Variants in CUX1 observed in about 807,000 individuals in gnomAD.
CUX1 encodes protein CASP.
In CUX1, 31 loss-of-function variants were observed where a neutral mutation model predicts 158.8. The observed-to-expected ratio is 0.20, with a 90% CI of 0.15 to 0.26. CUX1 has a LOEUF of 0.26. Among genes scored for constraint, CUX1 ranks in the 10% least tolerant of loss-of-function variants. The pLI is 1.00. For synonymous variants in CUX1, 879 were observed against 862.1 expected (o/e 1.02, Z -0.34); for missense variants, 1,589 against 2,014.6 (o/e 0.79, Z 4.04).
At chr7:102,279,167 C>T (rs1035125675) in intron 18 of CUX1, among the ~76,000 whole-genome samples, 12 of 152,102 alleles carry the variant, frequency 7.9e-5, no homozygotes, top group African/African-American at 2.9e-4. Context: ...ATAGTGAAAC[C>T]CCGTCTCTAC....
At chr7:101,833,925 A>G (rs914999491) in intron 1 of CUX1, among the ~76,000 whole-genome samples, 4 of 152,088 alleles carry the variant, frequency 2.6e-5, no homozygotes, top group Non-Finnish European at 5.9e-5. Context: ...TCTGTCCTAG[A>G]ATGGGACGCA....
chr7:101,964,712 T>A (rs189276410), intron 2 of CUX1, among the ~76,000 whole-genome samples: 2 of 152,296 alleles, frequency 1.3e-5, no homozygotes, highest in East Asian at 1.9e-4. Flanking sequence ...CTTCAGACTG[T>A]CCCCAGCAAC....
intron 1 of CUX1, among the ~76,000 whole-genome samples, chr7:101,840,383 G>A (rs2131147016): frequency 6.6e-6 from 1 of 152,244 alleles, no homozygotes; most frequent in African/African-American, 2.4e-5. Context: ...GTTTAACCAG[G>A]TGAAGGAACT....
chr7:101,974,821 CAA>C (rs1339356967), intron 2 of CUX1, among the ~76,000 whole-genome samples: 7 of 152,078 alleles, frequency 4.6e-5, no homozygotes, highest in African/African-American at 1.4e-4. Flanking sequence ...ATGGAAAAGA[CAA>C]GAGCGAGGAA....
chr7:102,117,385 C>T (rs192399069), intron 8 of CUX1, among the ~76,000 whole-genome samples: 1 of 123,518 alleles, frequency 8.1e-6, no homozygotes, highest in African/African-American at 3.1e-5. Flanking sequence ...GCTACAGAGC[C>T]AGACTCCATC....
intron 1 of CUX1, among the ~76,000 whole-genome samples, chr7:101,833,901 C>A (rs984819141): frequency 6.6e-6 from 1 of 152,094 alleles, no homozygotes. Context: ...CTCCTTCTAA[C>A]GGGGGGTGCA....
chr7:102,039,560 T>C (rs1327565667), intron 3 of CUX1, among the ~76,000 whole-genome samples: 35 of 151,326 alleles, frequency 2.3e-4, no homozygotes, highest in Non-Finnish European at 7.4e-5. Context: ...GAGGCTGATT[T>C]GGGAGGATCA....
At chr7:102,261,919 C>T (rs1257092237), downstream of CUX1, among the ~76,000 whole-genome samples, 1 of 152,134 alleles carries the variant, frequency 6.6e-6, no homozygotes, top group Non-Finnish European at 1.5e-5. Context: ...GAGTTCAAGA[C>T]CCACCCTGGG....
chr7:101,823,485 T>G (rs1792914953), intron 1 of CUX1, among the ~76,000 whole-genome samples: 1 of 152,154 alleles, frequency 6.6e-6, no homozygotes, highest in African/African-American at 2.4e-5. Context: ...CCTGGCCGAC[T>G]CCATCAGCCG....
At chr7:102,127,322 T>C (rs577884666) in intron 8 of CUX1, among the ~76,000 whole-genome samples, 1 of 152,298 alleles carries the variant, frequency 6.6e-6, no homozygotes, top group Non-Finnish European at 1.5e-5. Context: ...TCCTCCCACC[T>C]CAGCCTCCCG....
chr7:101,974,126 G>C (rs940680735), intron 2 of CUX1, among the ~76,000 whole-genome samples: 1 of 150,290 alleles, frequency 6.7e-6, no homozygotes, highest in East Asian at 1.9e-4. Context: ...GCTGGAGTGC[G>C]GTGGCACAAT....
At chr7:102,128,211 G>C (rs1832855531) in intron 8 of CUX1, among the ~76,000 whole-genome samples, 1 of 152,192 alleles carries the variant, frequency 6.6e-6, no homozygotes, top group African/African-American at 2.4e-5. Flanking sequence ...AATTCTCCAA[G>C]GGCTCATGGC....
At chr7:102,231,354 G>A (rs546532929) in intron 21 of CUX1, among the ~76,000 whole-genome samples, 1 of 151,720 alleles carries the variant, frequency 6.6e-6, no homozygotes, top group Non-Finnish European at 1.5e-5. Context: ...AATAGAGATG[G>A]GGTTTCACCA....
At chr7:101,897,011 A>G (rs1801591428) in intron 1 of CUX1, among the ~76,000 whole-genome samples, 1 of 152,212 alleles carries the variant, frequency 6.6e-6, no homozygotes, top group Non-Finnish European at 1.5e-5. Flanking sequence ...ATGTGCAGAA[A>G]AGTCACGCAC....
intron 4 of CUX1, among the ~76,000 whole-genome samples, chr7:102,072,687 GGA>G (rs1161204885): frequency 6.6e-6 from 1 of 152,118 alleles, no homozygotes; most frequent in African/African-American, 2.4e-5. Context: ...TTTAGTTCTA[GGA>G]AGTCAGGGTG....
rs886184925 is a variant in CUX1 at position 102,227,807 on chromosome 7, A to G, written c.3433+138A>G. 2.9e-4 allele frequency: 254 copies of G among 867,036 alleles called. 1 individual carries two copies. Among genetic ancestry groups the G allele is most frequent in the Non-Finnish European group, 4.0e-4 (230 of 569,646 alleles). The allele number at this position is 867,036 out of a possible 1,614,324, so 53.7% of individuals were successfully genotyped here. On this transcript the variant is annotated intron_variant, in intron 21 of 23. Coordinates refer to ENST00000292535, the MANE Select transcript of CUX1 (RefSeq NM_181552.4). ...ACCCTTTGAGAACATGAAACATCCT[A>G]TAGTTGTGAACAGTAAGGAGCGTGC...
chr7:102,275,227 C>G, intron 16 of CUX1: 1 of 1,576,282 alleles, frequency 6.3e-7, no homozygotes, highest in Non-Finnish European at 8.6e-7. Flanking sequence ...CCCCCCAAGC[C>G]ACCCTCCTCT....
Position 102,109,848 on chromosome 7 carries a change from G to A in CUX1, c.531-1850G>A, listed in dbSNP as rs374123927. Among the ~76,000 whole-genome samples the A allele has an allele frequency of 3.2e-4, 49 of 151,808 alleles. 2 individuals are homozygous for A. In the East Asian group the frequency reaches 3.5e-3, roughly 11 times the overall value. ...TTTGGCCATTGTAATTCCTCTGTTA[G>A]CATTTCATCTCCAACAGATTCACTC... On this transcript the variant is annotated intron_variant, in intron 6 of 23. Coordinates refer to ENST00000292535, the MANE Select transcript of CUX1 (RefSeq NM_181552.4).
intron 20 of CUX1, among the ~76,000 whole-genome samples, chr7:102,226,457 G>A (rs1798355984): frequency 6.6e-6 from 1 of 152,116 alleles, no homozygotes; most frequent in Non-Finnish European, 1.5e-5. Flanking sequence ...TGGGCATGGT[G>A]GTGTGCACCT....
Sources: allele counts gnomAD v4.1 joint callset (sites outside exome capture counted in the v4.1 genomes callset), GRCh38; gene constraint gnomAD v4.1.1; transcripts MANE v1.5; gene names NCBI Gene and HGNC (gene_info 2026-07-23, HGNC 2026-07-21).